The following SHC3 variants were observed in gnomAD, a reference collection of about 807,000 sequenced individuals.
SHC3 encodes SHC-transforming protein 3.
In SHC3, 15 loss-of-function variants were observed where a neutral mutation model predicts 60.4. That is an observed-to-expected ratio of 0.25 (90% CI 0.17 to 0.38). The LOEUF is 0.38. Ranked by LOEUF, SHC3 falls within the 10% of genes least tolerant of loss-of-function variation. SHC3 has a pLI of 1.00. For missense variants in SHC3, 677 were observed against 786.1 expected (o/e 0.86, Z 1.66); for synonymous variants, 294 against 325.9 (o/e 0.90, Z 1.05).
intron 1 of SHC3, among the ~76,000 whole-genome samples, chr9:89,172,097 A>C (rs1238919870): frequency 6.6e-6 from 1 of 152,250 alleles, no homozygotes; most frequent in East Asian, 1.9e-4. Flanking sequence ...CTCCTCACAA[A>C]GACAAAGAAG....
Position 89,178,508 on chromosome 9 carries a change from C to G in SHC3, c.-48G>C. 7.1e-7 allele frequency: 1 copy of G among 1,413,812 alleles called. No individual in the cohort carries two copies. The highest frequency in any genetic ancestry group is 9.3e-7 in the Non-Finnish European group (1 of 1,078,474). The allele number at this position is 1,413,812 out of a possible 1,614,324, so 87.6% of individuals were successfully genotyped here. On this transcript the variant is annotated 5_prime_UTR_variant, in exon 1 of 12. Coordinates refer to ENST00000375835, the MANE Select transcript of SHC3 (RefSeq NM_016848.6). This position sits in a 1 kb window ranked among gnomAD's most constrained non-coding sequence, Gnocchi z 6.9. Reference sequence around the variant, plus strand: ...TCCGCCCGGGCGCTGCTGGTGCCGGCCCCGGCGCGGGCTGCCGCGCATAGC... The same window carrying G: ...TCCGCCCGGGCGCTGCTGGTGCCGGGCCCGGCGCGGGCTGCCGCGCATAGC...
rs543768917 is a variant in SHC3 at position 89,048,320 on chromosome 9, C to T, written c.963-1326G>A. Among the ~76,000 whole-genome samples the T allele has an allele frequency of 2.0e-5, 3 of 150,384 alleles. No homozygotes were observed. The East Asian group carries it at 5.9e-4, about 30-fold the overall frequency. On this transcript the variant is annotated intron_variant, in intron 7 of 11. Transcript: ENST00000375835. ...ATGAACAAAAGGTCATATACCTATACACTCAAATATTATTAAGAACTCTAA... is the reference window on the plus strand; with the variant it reads ...ATGAACAAAAGGTCATATACCTATATACTCAAATATTATTAAGAACTCTAA...
In SHC3 at chr9:89,038,294, A is replaced by G. The variant is rs927865211; in HGVS notation, c.1361-6T>C. Reference sequence around the variant, plus strand: ...GAGAGCATCTTCAAAAGGTTCTGTCATCAACAATATTGACCAGCAACAAGT... The same window carrying G: ...GAGAGCATCTTCAAAAGGTTCTGTCGTCAACAATATTGACCAGCAACAAGT... On this transcript the variant is annotated splice_polypyrimidine_tract_variant and splice_region_variant and intron_variant, in intron 10 of 11. Transcript: ENST00000375835. 3.1e-6 allele frequency: 5 copies of G among 1,605,236 alleles called. No homozygotes were observed. The African/African-American group carries it at 5.4e-5, about 17-fold the overall frequency.
Position 89,077,407 on chromosome 9 carries a change from C to T in SHC3, c.609+433G>A, listed in dbSNP as rs80288705. On this transcript the variant is annotated intron_variant, in intron 3 of 11. Transcript: ENST00000375835. The stretch of plus-strand genomic sequence containing the variant: ...AAATCGGCCACAGCAGAGGTATTGA[C>T]ATCACACAAATCAGAAAATGCTACA... 7.5e-3 allele frequency among the ~76,000 whole-genome samples: 1,149 copies of T among 152,292 alleles called. 19 individuals are homozygous for T. The highest frequency in any genetic ancestry group is 0.026 in the African/African-American group (1,087 of 41,556).
At chr9:89,105,785 A>G (rs1233005794) in intron 2 of SHC3, among the ~76,000 whole-genome samples, 1 of 152,238 alleles carries the variant, frequency 6.6e-6, no homozygotes, top group South Asian at 2.1e-4. Context: ...TATCAGCTCA[A>G]GTGAAAATTA....
At chr9:89,153,348 G>A (rs772378140) in intron 1 of SHC3, among the ~76,000 whole-genome samples, 27 of 152,072 alleles carry the variant, frequency 1.8e-4, no homozygotes, top group Non-Finnish European at 3.4e-4. Flanking sequence ...ATAAGGCAGC[G>A]GCCGCTGGGA....
intron 1 of SHC3, among the ~76,000 whole-genome samples, chr9:89,126,489 G>A (rs1826167490): frequency 6.6e-6 from 1 of 152,176 alleles, no homozygotes; most frequent in African/African-American, 2.4e-5. Context: ...AAGATCATGG[G>A]ACATGGGGAA....
intron 1 of SHC3, among the ~76,000 whole-genome samples, chr9:89,116,917 C>T (rs962694791): frequency 6.6e-6 from 1 of 152,126 alleles, no homozygotes; most frequent in African/African-American, 2.4e-5. Context: ...ACATGAATAA[C>T]AATTAACATT....
At chr9:89,133,042 A>T (rs986011335) in intron 1 of SHC3, among the ~76,000 whole-genome samples, 49 of 152,230 alleles carry the variant, frequency 3.2e-4, no homozygotes, top group African/African-American at 1.1e-3. Context: ...GAATCTACAA[A>T]GAACTTAGAC....
At chr9:89,116,525 C>T (rs894030576) in intron 1 of SHC3, among the ~76,000 whole-genome samples, 4 of 152,144 alleles carry the variant, frequency 2.6e-5, no homozygotes, top group African/African-American at 9.7e-5. Flanking sequence ...TGAATACCAC[C>T]AACACCAACA....
At chr9:89,132,917 A>T (rs1826268365) in intron 1 of SHC3, among the ~76,000 whole-genome samples, 1 of 152,334 alleles carries the variant, frequency 6.6e-6, no homozygotes, top group South Asian at 2.1e-4. Flanking sequence ...ATGGGATCTA[A>T]TTAAACTAAA....
chr9:89,032,757 G>A lies in SHC3; in HGVS notation c.1656+5236C>T, dbSNP rs76443678. On this transcript the variant is annotated intron_variant, in intron 11 of 11. Transcript: ENST00000375835. Reference sequence around the variant, plus strand: ...AGTATACTCTGGAGTAAATTTAGACGCAGAACTGTTTTCATCCTTATTTCT... The same window carrying A: ...AGTATACTCTGGAGTAAATTTAGACACAGAACTGTTTTCATCCTTATTTCT... Among the ~76,000 whole-genome samples, 131 of 152,190 alleles carry A rather than the reference G, an allele frequency of 8.6e-4. 1 individual carries two copies. The East Asian group carries it at 0.017, about 20-fold the overall frequency.
intron 7 of SHC3, among the ~76,000 whole-genome samples, chr9:89,049,632 A>G (rs918950163): frequency 1.3e-5 from 2 of 152,262 alleles, no homozygotes; most frequent in Non-Finnish European, 2.9e-5. Flanking sequence ...TGTTAAATCA[A>G]GTTTAGCCTA....
intron 1 of SHC3, among the ~76,000 whole-genome samples, chr9:89,142,002 TC>T (rs1382227393): frequency 6.6e-6 from 1 of 152,076 alleles, no homozygotes; most frequent in Non-Finnish European, 1.5e-5. Flanking sequence ...CTCTCATGTT[TC>T]CCCTTTAGGG....
At chr9:89,143,667 T>G (rs1465162205) in intron 1 of SHC3, among the ~76,000 whole-genome samples, 1 of 152,152 alleles carries the variant, frequency 6.6e-6, no homozygotes, top group African/African-American at 2.4e-5. Flanking sequence ...GAAATTTTTT[T>G]TGTGTTCCTG....
chr9:89,165,016 C>G (rs979486119), intron 1 of SHC3, among the ~76,000 whole-genome samples: 1 of 152,036 alleles, frequency 6.6e-6, no homozygotes, highest in African/African-American at 2.4e-5. Context: ...TTATAATTTG[C>G]GAGAAATTAG....
At chr9:89,126,565 T>C (rs1429354083) in intron 1 of SHC3, among the ~76,000 whole-genome samples, 1 of 152,192 alleles carries the variant, frequency 6.6e-6, no homozygotes, top group Non-Finnish European at 1.5e-5. Flanking sequence ...CTCTTCGCTA[T>C]GGACAAGTTG....
At chr9:89,131,240 A>C (rs1402984190) in intron 1 of SHC3, among the ~76,000 whole-genome samples, 1 of 152,188 alleles carries the variant, frequency 6.6e-6, no homozygotes, top group African/African-American at 2.4e-5. Flanking sequence ...GACCAATAAC[A>C]GGCTCTGAAA....
chr9:89,094,625 T>C (rs1825673344), intron 2 of SHC3, among the ~76,000 whole-genome samples: 1 of 152,206 alleles, frequency 6.6e-6, no homozygotes, highest in South Asian at 2.1e-4. Context: ...TGATTTCCTT[T>C]TCATTAGTGG....
Sources: gnomAD v4.1 joint callset for allele counts (sites outside exome capture counted in the v4.1 genomes callset) on GRCh38, gnomAD v4.1.1 for gene constraint, Gnocchi (gnomAD v3.1) non-coding constraint, MANE v1.5 for transcripts, NCBI Gene and HGNC (gene_info 2026-07-23, HGNC 2026-07-21) for gene names.